The following ICA1L variants were observed in gnomAD, a reference collection of about 807,000 sequenced individuals.
ICA1L encodes islet cell autoantigen 1-like protein.
Under a neutral mutation model 61.3 loss-of-function variants are expected in ICA1L, and 50 were observed. That is an observed-to-expected ratio of 0.82 (90% CI 0.65 to 1.03). The LOEUF is 1.03. Ranked by LOEUF, ICA1L falls within the 50% of genes least tolerant of loss-of-function variation. The probability of loss-of-function intolerance (pLI) is 0.00; values close to 1 mark genes in which losing one functional copy is unlikely to be tolerated. For synonymous variants in ICA1L, 161 were observed against 191.3 expected (o/e 0.84, Z 1.31); for missense variants, 508 against 556.7 (o/e 0.91, Z 0.88).
At chr2:202,857,217 C>T (rs1694791853) in intron 1 of ICA1L, among the ~76,000 whole-genome samples, 1 of 152,168 alleles carries the variant, frequency 6.6e-6, no homozygotes, top group Non-Finnish European at 1.5e-5. Flanking sequence ...TATCATGCTA[C>T]CTGACTTTGA....
At chr2:202,840,645 T>G (rs959789674) in intron 1 of ICA1L, 7 of 584,402 alleles carry the variant, frequency 1.2e-5, no homozygotes, top group Admixed American at 1.1e-4. Context: ...GCCAGCCTGA[T>G]GTTCGTCAGT....
intron 1 of ICA1L, among the ~76,000 whole-genome samples, chr2:202,847,784 T>C (rs1308130878): frequency 6.8e-6 from 1 of 148,078 alleles, no homozygotes; most frequent in African/African-American, 2.5e-5. Context: ...GGCACTTGTA[T>C]GTTCACTGCA....
chr2:202,854,863 T>C (rs188430439), intron 1 of ICA1L, among the ~76,000 whole-genome samples: 65 of 152,050 alleles, frequency 4.3e-4, no homozygotes, highest in African/African-American at 1.5e-3. Flanking sequence ...CCGTCTCTAC[T>C]AAAAATAAAA....
rs1692714553 is a variant in ICA1L, at chr2:202,790,525, CCTT to C, written c.986-1441_986-1439del. On this transcript the variant is annotated intron_variant, in intron 10 of 12. Coordinates refer to ENST00000358299, the MANE Select transcript of ICA1L (RefSeq NM_001288622.3). ...TCTGGTGCAGCCAGAACACAGGGCTCCTTCTCTCTCCAGCTGTCAGTCAAGGGC... is the reference window on the plus strand; with the variant it reads ...TCTGGTGCAGCCAGAACACAGGGCTCCTCTCTCCAGCTGTCAGTCAAGGGC... Among the ~76,000 whole-genome samples the C allele has an allele frequency of 2.0e-5, 3 of 152,308 alleles. No homozygotes were observed. The South Asian group carries it at 6.2e-4, about 32-fold the overall frequency.
intron 1 of ICA1L, among the ~76,000 whole-genome samples, chr2:202,868,725 G>A (rs185923387): frequency 6.6e-6 from 1 of 152,088 alleles, no homozygotes; most frequent in Non-Finnish European, 1.5e-5. Context: ...CCAGCAATTT[G>A]GGAGGCTGAG....
chr2:202,847,515 T>C (rs1271033312), intron 1 of ICA1L, among the ~76,000 whole-genome samples: 4 of 152,002 alleles, frequency 2.6e-5, no homozygotes, highest in Non-Finnish European at 5.9e-5. Context: ...GTTACATTAA[T>C]CTCTCTTTTA....
chr2:202,806,170 C>T lies in ICA1L; in HGVS notation c.910+5576G>A, dbSNP rs141785085. Among the ~76,000 whole-genome samples the T allele has an allele frequency of 8.8e-3, 1,335 of 152,214 alleles. 17 individuals carry two copies. The highest frequency in any genetic ancestry group is 0.011 in the Non-Finnish European group (775 of 68,002). ...CCTCCTCCAATCCCAGGCAGTGCAGCTTACAGCTCCAGGGGAAACTCCTTT... is the reference window on the plus strand; with the variant it reads ...CCTCCTCCAATCCCAGGCAGTGCAGTTTACAGCTCCAGGGGAAACTCCTTT... On this transcript the variant is annotated intron_variant, in intron 9 of 12. Transcript: ENST00000358299.
At chr2:202,804,128 G>A (rs1161802351) in intron 9 of ICA1L, among the ~76,000 whole-genome samples, 1 of 152,140 alleles carries the variant, frequency 6.6e-6, no homozygotes, top group Non-Finnish European at 1.5e-5. Flanking sequence ...CCTCACCCAA[G>A]ATATTTGTGC....
intron 1 of ICA1L, among the ~76,000 whole-genome samples, chr2:202,868,811 T>C (rs1687601910): frequency 6.6e-6 from 1 of 151,038 alleles, no homozygotes. Flanking sequence ...CTACTAAAAA[T>C]AAGAAAATTA....
chr2:202,848,046 T>C (rs1037481111), intron 1 of ICA1L, among the ~76,000 whole-genome samples: 64 of 152,174 alleles, frequency 4.2e-4, no homozygotes, highest in Non-Finnish European at 8.8e-4. Context: ...CACATGGACA[T>C]AAAGATGGGA....
intron 1 of ICA1L, among the ~76,000 whole-genome samples, chr2:202,858,775 G>T (rs1694831369): frequency 6.6e-6 from 1 of 152,144 alleles, no homozygotes; most frequent in African/African-American, 2.4e-5. Flanking sequence ...TGTTACAGTT[G>T]CGTACGGTAT....
At chr2:202,787,182 A>G (rs1284298366) in intron 11 of ICA1L, among the ~76,000 whole-genome samples, 1 of 152,244 alleles carries the variant, frequency 6.6e-6, no homozygotes, top group Non-Finnish European at 1.5e-5. Context: ...CTGTCTGATG[A>G]CCTTGAGCAA....
chr2:202,818,575 G>C (rs1426668508), intron 5 of ICA1L, among the ~76,000 whole-genome samples: 2 of 152,118 alleles, frequency 1.3e-5, no homozygotes, highest in Non-Finnish European at 2.9e-5. Flanking sequence ...GTTATGGGAG[G>C]GACCCAGTGA....
At chr2:202,786,118 GATTCT>G in intron 11 of ICA1L, 111 bp from the exon 12 acceptor site, 1 of 622,008 alleles carries the variant, frequency 1.6e-6, no homozygotes, top group South Asian at 2.2e-5. Context: ...ATCTGGGTAA[GATTCT>G]ATAAGAGGTA....
intron 9 of ICA1L, among the ~76,000 whole-genome samples, chr2:202,801,360 A>C (rs1693082269): frequency 6.6e-6 from 1 of 152,200 alleles, no homozygotes; most frequent in Non-Finnish European, 1.5e-5. Flanking sequence ...AGATGCATGA[A>C]ATTGGGATTA....
At chr2:202,784,687 G>A (rs1373560878) in intron 12 of ICA1L, among the ~76,000 whole-genome samples, 1 of 152,126 alleles carries the variant, frequency 6.6e-6, no homozygotes, top group Non-Finnish European at 1.5e-5. Flanking sequence ...TGAACCTTGA[G>A]GACATTATGC....
chr2:202,856,532 T>C (rs964630501), intron 1 of ICA1L, among the ~76,000 whole-genome samples: 1 of 152,196 alleles, frequency 6.6e-6, no homozygotes, highest in Non-Finnish European at 1.5e-5. Context: ...TCATACTAAA[T>C]GGGCAAAAGC....
At chr2:202,816,878 A>C (rs1693554069) in intron 6 of ICA1L, among the ~76,000 whole-genome samples, 1 of 152,222 alleles carries the variant, frequency 6.6e-6, no homozygotes, top group Admixed American at 6.5e-5. Context: ...TACTATAAGC[A>C]CAAGTGAGAC....
chr2:202,802,653 G>A (rs960513250), intron 9 of ICA1L, among the ~76,000 whole-genome samples: 2 of 151,696 alleles, frequency 1.3e-5, no homozygotes, highest in Non-Finnish European at 2.9e-5. Flanking sequence ...GAAAAAAAAA[G>A]TATCTAAACT....
Sources: gnomAD v4.1 joint callset for allele counts (sites outside exome capture counted in the v4.1 genomes callset) on GRCh38, gnomAD v4.1.1 for gene constraint, MANE v1.5 for transcripts, NCBI Gene and HGNC (gene_info 2026-07-23, HGNC 2026-07-21) for gene names.